OXR1: variants seen among roughly 807,000 people sequenced by gnomAD.
The protein encoded by OXR1 is oxidation resistance 1.
Under a neutral mutation model 104.6 loss-of-function variants are expected in OXR1, and 41 were observed. That is an observed-to-expected ratio of 0.39 (90% CI 0.31 to 0.51). The LOEUF is 0.51. Ranked by LOEUF, OXR1 falls within the 20% of genes least tolerant of loss-of-function variation. The pLI is 0.77. For missense variants in OXR1, 955 were observed against 1,031.9 expected, an observed-to-expected ratio of 0.93 and a Z score of 1.02; for synonymous variants, 348 against 348.4, an observed-to-expected ratio of 1.00 and a Z score of 0.01.
At chr8:106,526,855 C>T (rs1326512467) in intron 3 of OXR1, among the ~76,000 whole-genome samples, 1 of 152,148 alleles carries the variant, frequency 6.6e-6, no homozygotes, top group Admixed American at 6.5e-5. Context: ...GCTATTGTCT[C>T]TTCAGAGTGG....
At chr8:106,554,887 A>G (rs567259123) in intron 3 of OXR1, among the ~76,000 whole-genome samples, 63 of 152,288 alleles carry the variant, frequency 4.1e-4, no homozygotes, top group African/African-American at 1.5e-3. Flanking sequence ...TGATATTTTT[A>G]TTTATTTTAA....
chr8:106,644,643 G>A (rs1420380182), intron 3 of OXR1, among the ~76,000 whole-genome samples: 1 of 152,074 alleles, frequency 6.6e-6, no homozygotes, highest in Non-Finnish European at 1.5e-5. Context: ...GAGGCACCTG[G>A]AGCGTAAAAC....
At chr8:106,654,391 G>T (rs1417287445) in intron 3 of OXR1, among the ~76,000 whole-genome samples, 1 of 151,960 alleles carries the variant, frequency 6.6e-6, no homozygotes, top group Non-Finnish European at 1.5e-5. Flanking sequence ...TTGTATTTAA[G>T]GTCAATTAAT....
At chr8:106,308,356 ATCT>A (rs1173182478) in intron 1 of OXR1, among the ~76,000 whole-genome samples, 1 of 152,102 alleles carries the variant, frequency 6.6e-6, no homozygotes, top group African/African-American at 2.4e-5. Flanking sequence ...TGGTGAAGTG[ATCT>A]TCTTTACTCA....
intron 1 of OXR1, among the ~76,000 whole-genome samples, chr8:106,281,833 A>G (rs187361682): frequency 2.2e-3 from 335 of 150,814 alleles, no homozygotes; most frequent in African/African-American, 7.7e-3. Flanking sequence ...AGACACTTAT[A>G]TAGAAAGCAG....
intron 2 of OXR1, among the ~76,000 whole-genome samples, chr8:106,434,257 C>T (rs1173134056): frequency 6.6e-6 from 1 of 152,154 alleles, no homozygotes; most frequent in East Asian, 1.9e-4. Context: ...ACTGTGGCCC[C>T]AGTGGTAATA....
chr8:106,458,219 T>G (rs968247999), intron 2 of OXR1, among the ~76,000 whole-genome samples: 1 of 152,088 alleles, frequency 6.6e-6, no homozygotes, highest in Non-Finnish European at 1.5e-5. Flanking sequence ...AGGGCCAGAT[T>G]TCCAGAGAGG....
intron 2 of OXR1, among the ~76,000 whole-genome samples, chr8:106,452,764 A>C (rs181220379): frequency 8.5e-5 from 13 of 152,236 alleles, no homozygotes; most frequent in African/African-American, 3.1e-4. Flanking sequence ...AACTTGTTGA[A>C]AATTCTTCCC....
chr8:106,731,452 A>G (rs1451902760), intron 11 of OXR1, among the ~76,000 whole-genome samples: 1 of 151,972 alleles, frequency 6.6e-6, no homozygotes, highest in Non-Finnish European at 1.5e-5. Context: ...TTTTTCATGG[A>G]TTGTACTTGT....
intron 1 of OXR1, among the ~76,000 whole-genome samples, chr8:106,336,591 C>A (rs527765618): frequency 1.3e-5 from 2 of 152,298 alleles, no homozygotes; most frequent in East Asian, 3.9e-4. Flanking sequence ...AATTATGTTA[C>A]CCGTCTTTAA....
chr8:106,749,821 A>G (rs142956068), intron 16 of OXR1, among the ~76,000 whole-genome samples: 2 of 152,284 alleles, frequency 1.3e-5, no homozygotes, highest in Non-Finnish European at 2.9e-5. Context: ...GAGAATAGAA[A>G]GAAGTCCTCT....
At chr8:106,331,962 C>T (rs896735685) in intron 1 of OXR1, among the ~76,000 whole-genome samples, 5 of 148,312 alleles carry the variant, frequency 3.4e-5, no homozygotes, top group African/African-American at 1.3e-4. Context: ...ATTCTTTTGG[C>T]ATTCTTTGTT....
intron 3 of OXR1, among the ~76,000 whole-genome samples, chr8:106,569,135 T>C (rs1586825209): frequency 6.6e-6 from 1 of 152,254 alleles, no homozygotes; most frequent in East Asian, 1.9e-4. Context: ...TATTCTACAA[T>C]ATAGATAAAA....
chr8:106,358,018 G>C (rs560456665), intron 1 of OXR1, among the ~76,000 whole-genome samples: 1 of 152,136 alleles, frequency 6.6e-6, no homozygotes, highest in Non-Finnish European at 1.5e-5. Flanking sequence ...TGTCTTTAGA[G>C]TAAGAGTGGC....
chr8:106,596,283 T>TA (rs1563631632), intron 3 of OXR1, among the ~76,000 whole-genome samples: 1 of 151,982 alleles, frequency 6.6e-6, no homozygotes, highest in Non-Finnish European at 1.5e-5. Context: ...CTGTCTCTAC[T>TA]AAAAAATACA....
chr8:106,648,505 A>AT (rs1274063681), intron 3 of OXR1, among the ~76,000 whole-genome samples: 2 of 152,232 alleles, frequency 1.3e-5, no homozygotes, highest in East Asian at 1.9e-4. Flanking sequence ...TTTTCATGTC[A>AT]TTTTTCTTCA....
At chr8:106,604,208 T>C (rs1397528022) in intron 3 of OXR1, among the ~76,000 whole-genome samples, 2 of 152,196 alleles carry the variant, frequency 1.3e-5, no homozygotes, top group African/African-American at 4.8e-5. Context: ...AACCCCTAAC[T>C]AATCTTTAAA....
intron 11 of OXR1, among the ~76,000 whole-genome samples, chr8:106,717,776 A>G (rs960178165): frequency 8.5e-5 from 13 of 152,080 alleles, no homozygotes; most frequent in African/African-American, 2.4e-5. Flanking sequence ...TAATCTTTCA[A>G]GATTGCTCTA....
intron 1 of OXR1, among the ~76,000 whole-genome samples, chr8:106,344,578 C>T (rs571772387): frequency 6.6e-6 from 1 of 152,240 alleles, no homozygotes; most frequent in Non-Finnish European, 1.5e-5. Context: ...ACCTCATGAT[C>T]CATCCGCCTC....
Sources: allele counts gnomAD v4.1 joint callset (sites outside exome capture counted in the v4.1 genomes callset), GRCh38; gene constraint gnomAD v4.1.1; transcripts MANE v1.5; gene names NCBI Gene and HGNC (gene_info 2026-07-23, HGNC 2026-07-21).